LNPEP: variants seen among roughly 807,000 people sequenced by gnomAD.
LNPEP encodes the protein leucyl-cystinyl aminopeptidase.
A neutral mutation model predicts 120.6 loss-of-function variants in LNPEP; 64 were observed. The observed-to-expected ratio is 0.53, with a 90% confidence interval of 0.43 to 0.65. The LOEUF is 0.65. Among genes scored for constraint, LNPEP ranks in the 30% least tolerant of loss-of-function variants. The pLI is 0.00. For missense variants in LNPEP, 1,057 were observed against 1,200.0 expected (o/e 0.88, Z 1.76); for synonymous variants, 435 against 425.4 (o/e 1.02, Z -0.28).
chr5:97,011,076 G>A, intron 11 of LNPEP: 1 of 985,380 alleles, frequency 1.0e-6, no homozygotes, highest in Non-Finnish European at 1.2e-6. Flanking sequence ...ATGGCAAGCT[G>A]CTTATCAACC....
At chr5:96,939,363 G>C (rs1343005398) in intron 1 of LNPEP, among the ~76,000 whole-genome samples, 1 of 151,754 alleles carries the variant, frequency 6.6e-6, no homozygotes, top group African/African-American at 2.4e-5. Flanking sequence ...ACAGGCGCCC[G>C]CCACCATGCC....
In LNPEP at chr5:96,993,101, C is replaced by T. The variant is rs749112851; in HGVS notation, c.1218C>T (p.Asn406=). The stretch of plus-strand genomic sequence containing the variant: ...TGAAGCTTCTTGAGTTTTTTCAAAA[C>T]TACTTTGAAATTCAGTACCCACTTA... ...TTVKLLEFFQ[N]YFEIQYPLKK... The change falls in exon 5 of 18, where the codon AAC becomes AAT. Residue 406 remains asparagine, a synonymous_variant. Transcript: ENST00000231368. The T allele has an allele frequency of 1.3e-6, 2 of 1,597,984 alleles. No individual in the cohort carries two copies. Among genetic ancestry groups the T allele is most frequent in the Non-Finnish European group, 1.7e-6 (2 of 1,169,274 alleles).
At chr5:96,984,100 C>T (rs572880953) in intron 2 of LNPEP, among the ~76,000 whole-genome samples, 3 of 152,210 alleles carry the variant, frequency 2.0e-5, no homozygotes, top group African/African-American at 4.8e-5. Context: ...CTTGTGTTCC[C>T]GGACCAAACT....
intron 1 of LNPEP, among the ~76,000 whole-genome samples, chr5:96,956,401 G>A (rs962103340): frequency 1.3e-5 from 2 of 152,078 alleles, no homozygotes; most frequent in Non-Finnish European, 2.9e-5. Context: ...GCCTGTAGTC[G>A]CACCAACTCC....
At position 97,036,490 on chromosome 5, in the gene LNPEP, A is replaced by G. The variant is rs1265832000; in HGVS notation, c.*7957A>G. On this transcript the variant is annotated 3_prime_UTR_variant, in exon 18 of 18. Coordinates refer to ENST00000231368, the MANE Select transcript of LNPEP (RefSeq NM_005575.3). ...CCAGACCTGTATGTTCGCTTTAAGC[A>G]TTCTTATATCACACTGTCTCCTCAT... The G allele has an allele frequency of 6.6e-6, 1 of 152,168 alleles. No homozygotes were observed. Among genetic ancestry groups the G allele is most frequent in the Admixed American group, 6.6e-5 (1 of 15,262 alleles). 9.4% of individuals were successfully genotyped at this position (152,168 alleles called of 1,614,324 possible).
At chr5:96,953,777 TA>T (rs1789378027) in intron 1 of LNPEP, among the ~76,000 whole-genome samples, 1 of 152,268 alleles carries the variant, frequency 6.6e-6, no homozygotes, top group Non-Finnish European at 1.5e-5. Flanking sequence ...CAAACAAATC[TA>T]TGTCTTAGTT....
rs773225635 is a variant in LNPEP at position 96,979,459 on chromosome 5, G to T, written c.341G>T (p.Cys114Phe). 3 of 1,614,086 alleles carry T rather than the reference G, an allele frequency of 1.9e-6. No homozygotes were observed. The highest frequency in any genetic ancestry group is 1.7e-4 in the Middle Eastern group (1 of 6,060). ...SVPSARTMVV[C>F]AFVIVVAVSV... ...CCCTCTGCAAGGACCATGGTGGTCT[G>T]TGCTTTTGTCATCGTGGTTGCTGTT... The change falls in exon 2 of 18, where the codon TGT becomes TTT. Residue 114 changes from cysteine (C) to phenylalanine (F), a missense_variant. Transcript: ENST00000231368.
intron 11 of LNPEP, 27 bp from the exon 12 acceptor site, chr5:97,013,621 A>G (rs566286786): frequency 3.7e-6 from 5 of 1,340,296 alleles, no homozygotes; most frequent in South Asian, 2.0e-5. Flanking sequence ...TTCTCTCTCA[A>G]TCTCTCATTT....
intron 11 of LNPEP, among the ~76,000 whole-genome samples, chr5:97,009,328 G>C (rs917207739): frequency 5.3e-5 from 8 of 149,864 alleles, no homozygotes; most frequent in Admixed American, 1.3e-4. Flanking sequence ...TATACTGTAA[G>C]TACTGTTCAC....
chr5:96,943,080 TC>T, intron 1 of LNPEP: 1 of 309,286 alleles, frequency 3.2e-6, no homozygotes, highest in South Asian at 5.9e-5. Context: ...CAGATGAGAA[TC>T]CATAAGTGAC....
rs984911843 is a variant in LNPEP, at chr5:97,029,846, A to G, written c.*1313A>G. On this transcript the variant is annotated 3_prime_UTR_variant, in exon 18 of 18. Coordinates refer to ENST00000231368, the MANE Select transcript of LNPEP (RefSeq NM_005575.3). Reference sequence around the variant, plus strand: ...TATGGCATTTTACTCCTTCTGAAAGAGAAATACTGTACTTGAATTTTTGAG... The same window carrying G: ...TATGGCATTTTACTCCTTCTGAAAGGGAAATACTGTACTTGAATTTTTGAG... 1 of 152,208 alleles carries G rather than the reference A, an allele frequency of 6.6e-6. No homozygotes were observed. The highest frequency in any genetic ancestry group is 1.5e-5 in the Non-Finnish European group (1 of 68,020). 9.4% of individuals were successfully genotyped at this position (152,208 alleles called of 1,614,324 possible). A position where few individuals can be genotyped will look rare whatever the true frequency, so the allele number is the denominator to read the frequency against.
At position 96,996,457 on chromosome 5, in the gene LNPEP, T is replaced by C; in HGVS notation, c.1475T>C (p.Phe492Ser). 1 of 1,610,714 alleles carries C rather than the reference T, an allele frequency of 6.2e-7. No individual in the cohort carries two copies. The highest frequency in any genetic ancestry group is 8.5e-7 in the Non-Finnish European group (1 of 1,177,440). The change falls in exon 7 of 18, where the codon TTC becomes TCC. Residue 492 changes from phenylalanine (F) to serine (S), a missense_variant. Coordinates refer to ENST00000231368, the MANE Select transcript of LNPEP (RefSeq NM_005575.3). ...TGGCTAAATGAAGGTTTTGCCACTT[T>C]CATGGAGTATTTCTCTTTGGAAAAA... is the stretch of plus-strand genomic sequence containing the variant. Reference protein sequence around the residue: ...DLWLNEGFATFMEYFSLEKIF... With the variant: ...DLWLNEGFATSMEYFSLEKIF...
chr5:96,998,227 A>T, intron 8 of LNPEP, 82 bp downstream of exon 8: 1 of 1,065,914 alleles, frequency 9.4e-7, no homozygotes, highest in Non-Finnish European at 1.4e-6. Context: ...TGTGATTTAG[A>T]TTATTTTAAA....
At chr5:96,981,240 A>G (rs1790116846) in intron 2 of LNPEP, among the ~76,000 whole-genome samples, 1 of 152,178 alleles carries the variant, frequency 6.6e-6, no homozygotes, top group Non-Finnish European at 1.5e-5. Context: ...GAGAAAGACA[A>G]AAAAATGGCT....
rs1382419532 is a variant in LNPEP, at chr5:97,033,132, G to A, written c.*4599G>A. On this transcript the variant is annotated 3_prime_UTR_variant, in exon 18 of 18. Transcript: ENST00000231368. ...ATATAAATAAACTTGCTACTACATT[G>A]TATTACTAATTTGGTTCACACTGTG... 6.6e-6 allele frequency: 1 copy of A among 152,034 alleles called. No homozygotes were observed. The highest frequency in any genetic ancestry group is 1.5e-5 in the Non-Finnish European group (1 of 68,006). 9.4% of individuals were successfully genotyped at this position (152,034 alleles called of 1,614,324 possible).
intron 1 of LNPEP, chr5:96,943,146 T>C (rs568584666): frequency 1.5e-5 from 8 of 519,674 alleles, no homozygotes; most frequent in African/African-American, 2.0e-5. Flanking sequence ...TCCATCATTA[T>C]TGAGCCAGGA....
In LNPEP at chr5:97,013,829, A is replaced by G; in HGVS notation, c.2217A>G (p.Ala739=). Residue 739 remains alanine (A), a splice_region_variant and synonymous_variant, in exon 12 of 18, where the codon GCA becomes GCG. Coordinates refer to ENST00000231368, the MANE Select transcript of LNPEP (RefSeq NM_005575.3). ...ANLINNIFEL[A]GLGKVPLKRA... is the part of the protein sequence containing the mutation. ...TTATCAACAACATCTTTGAACTTGC[A>G]GGGTAGAGTATACTTAGTTTGAGAT... 2 of 1,593,474 alleles carry G rather than the reference A, an allele frequency of 1.3e-6. No homozygotes were observed. The highest frequency in any genetic ancestry group is 1.7e-6 in the Non-Finnish European group (2 of 1,171,578).
intron 9 of LNPEP, 122 bp downstream of exon 9, chr5:97,003,668 G>A (rs2112642597): frequency 1.8e-6 from 1 of 560,834 alleles, no homozygotes; most frequent in East Asian, 3.1e-5. Context: ...TAAGAAAGGG[G>A]GGGATGGAGC....
intron 1 of LNPEP, among the ~76,000 whole-genome samples, chr5:96,967,967 G>T (rs572512415): frequency 6.6e-6 from 1 of 151,930 alleles, no homozygotes; most frequent in African/African-American, 2.4e-5. Context: ...AGCATAAACC[G>T]GGCCTTGAGA....
Sources: allele counts gnomAD v4.1 joint callset (sites outside exome capture counted in the v4.1 genomes callset), GRCh38; gene constraint gnomAD v4.1.1; transcripts MANE v1.5; gene names NCBI Gene and HGNC (gene_info 2026-07-23, HGNC 2026-07-21).